Variants in CCDC15 observed in about 807,000 individuals in gnomAD.
The protein encoded by CCDC15 is coiled-coil domain containing 15, also known as coiled-coil domain-containing protein 15.
Under a neutral mutation model 114.5 loss-of-function variants are expected in CCDC15, and 105 were observed. The observed-to-expected ratio is 0.92, with a 90% CI of 0.78 to 1.08. The LOEUF is 1.08. Among genes scored for constraint, CCDC15 ranks in the 50% least tolerant of loss-of-function variants. The pLI, the probability that CCDC15 is intolerant of heterozygous loss-of-function variation, is 0.00. For synonymous variants in CCDC15, 334 were observed against 377.8 expected, an observed-to-expected ratio of 0.88 and a Z score of 1.34; for missense variants, 1,105 against 1,093.6, an observed-to-expected ratio of 1.01 and a Z score of -0.15.
intron 11 of CCDC15, among the ~76,000 whole-genome samples, chr11:125,002,949 A>T (rs1565375601): frequency 6.6e-6 from 1 of 152,046 alleles, no homozygotes; most frequent in Non-Finnish European, 1.5e-5. Flanking sequence ...TGACATTTTG[A>T]TGGAGGATTA....
intron 5 of CCDC15, among the ~76,000 whole-genome samples, chr11:124,975,949 A>G (rs1190717857): frequency 2.0e-5 from 3 of 152,092 alleles, no homozygotes; most frequent in Non-Finnish European, 4.4e-5. Flanking sequence ...GTCTATACTT[A>G]TAAAATGACA....
chr11:124,996,967 A>C (rs774641956), intron 11 of CCDC15, among the ~76,000 whole-genome samples: 25 of 152,142 alleles, frequency 1.6e-4, no homozygotes, highest in Non-Finnish European at 3.2e-4. Flanking sequence ...TCTGTTGTAG[A>C]CCTTCCTGTA....
intron 13 of CCDC15, among the ~76,000 whole-genome samples, chr11:125,014,850 A>G (rs1290590787): frequency 6.6e-6 from 1 of 152,210 alleles, no homozygotes; most frequent in Non-Finnish European, 1.5e-5. Context: ...AAAAGTGGAA[A>G]CATTTATAAA....
At chr11:125,038,898 C>T in intron 14 of CCDC15, 23 bp from the exon 15 acceptor site, 1 of 1,595,346 alleles carries the variant, frequency 6.3e-7, no homozygotes, top group South Asian at 1.1e-5. Context: ...TTCACTTTGC[C>T]TGATTATACT....
Position 124,979,655 on chromosome 11 carries a change from T to C in CCDC15, c.753+2055T>C, listed in dbSNP as rs113762413. ...TTTGCTGAAGTTGTTTATCAGATCA[T>C]GGAGCTTTGGGCAGAGACTATGGGG... On this transcript the variant is annotated intron_variant, in intron 6 of 15. Coordinates refer to ENST00000344762, the MANE Select transcript of CCDC15 (RefSeq NM_025004.3). Among the ~76,000 whole-genome samples the C allele has an allele frequency of 7.8e-3, 1,184 of 152,222 alleles. 15 individuals are homozygous for C. Among genetic ancestry groups the C allele is most frequent in the African/African-American group, 0.027 (1,126 of 41,536 alleles).
intron 13 of CCDC15, among the ~76,000 whole-genome samples, chr11:125,037,032 G>A (rs533039278): frequency 6.6e-6 from 1 of 152,188 alleles, no homozygotes; most frequent in South Asian, 2.1e-4. Flanking sequence ...TGATGCTTGT[G>A]GATGTTCACT....
At chr11:124,990,694 T>G (rs965511191) in intron 8 of CCDC15, among the ~76,000 whole-genome samples, 1 of 152,242 alleles carries the variant, frequency 6.6e-6, no homozygotes, top group African/African-American at 2.4e-5. Context: ...ATTCAATTTT[T>G]TAAATCAACA....
At chr11:124,997,085 C>T (rs1948385451) in intron 11 of CCDC15, among the ~76,000 whole-genome samples, 1 of 152,154 alleles carries the variant, frequency 6.6e-6, no homozygotes, top group Admixed American at 6.5e-5. Context: ...GTATAGCATT[C>T]CGTTATTTGA....
chr11:124,988,703 TC>T (rs1276326855), intron 8 of CCDC15, among the ~76,000 whole-genome samples: 1 of 152,258 alleles, frequency 6.6e-6, no homozygotes, highest in Non-Finnish European at 1.5e-5. Context: ...ATCAGCTAAG[TC>T]CGTGTAATAT....
chr11:124,959,243 G>T lies in CCDC15; in HGVS notation c.306G>T (p.Gln102His). ...AAATTAGGTTGAGAAAAAAGCAACA[G>T]CTTCAGAAGTCTTATGAAAGAGTAA... is the stretch of plus-strand genomic sequence containing the variant. ...NQQIRLRKKQ[Q>H]LQKSYERAQK... Residue 102 changes from glutamine (Q) to histidine (H), a missense_variant, in exon 3 of 16, where the codon CAG (glutamine) becomes CAT (histidine). Transcript: ENST00000344762. The T allele has an allele frequency of 6.3e-7, 1 of 1,578,956 alleles. No individual in the cohort carries two copies. Among genetic ancestry groups the T allele is most frequent in the Non-Finnish European group, 8.6e-7 (1 of 1,167,912 alleles).
At chr11:125,033,955 C>G (rs916445763) in intron 13 of CCDC15, among the ~76,000 whole-genome samples, 2 of 152,166 alleles carry the variant, frequency 1.3e-5, no homozygotes, top group Non-Finnish European at 2.9e-5. Context: ...GAGTGTAGCA[C>G]ATCTCCTCAT....
rs142899880 is a variant in CCDC15 at position 125,027,960 on chromosome 11, C to G, written c.2412-10471C>G. 1.0e-3 allele frequency among the ~76,000 whole-genome samples: 157 copies of G among 152,206 alleles called. 1 individual carries two copies. Among genetic ancestry groups the G allele is most frequent in the African/African-American group, 3.7e-3 (152 of 41,558 alleles). On this transcript the variant is annotated intron_variant, in intron 13 of 15. Transcript: ENST00000344762. ...TTTTATTCTTCTATGTATGGCTTGC[C>G]AGTTATTCCAACGCAATTTACTGAA...
chr11:124,992,520 G>C (rs1169721402), intron 9 of CCDC15, 60 bp from the exon 10 acceptor site: 1 of 937,360 alleles, frequency 1.1e-6, no homozygotes, highest in African/African-American at 1.7e-5. Flanking sequence ...ATGATATTAT[G>C]ATTAGCATTA....
chr11:125,038,731 A>G, intron 14 of CCDC15, 127 bp downstream of exon 14: 1 of 1,188,834 alleles, frequency 8.4e-7, no homozygotes, highest in Non-Finnish European at 1.2e-6. Context: ...GGAGTTCATA[A>G]CTTCACCAAA....
chr11:124,987,056 G>A, intron 7 of CCDC15, 71 bp from the exon 8 acceptor site: 3 of 1,381,752 alleles, frequency 2.2e-6, no homozygotes, highest in Non-Finnish European at 2.9e-6. Flanking sequence ...TTGATATTTC[G>A]ATTATTTTGG....
chr11:124,957,250 C>T (rs946450733), intron 2 of CCDC15, among the ~76,000 whole-genome samples: 7 of 152,162 alleles, frequency 4.6e-5, no homozygotes, highest in African/African-American at 7.2e-5. Flanking sequence ...GACTATTTTC[C>T]GGCTATTGGC....
chr11:125,002,448 T>A (rs1446189904), intron 11 of CCDC15, among the ~76,000 whole-genome samples: 1 of 152,156 alleles, frequency 6.6e-6, no homozygotes, highest in Non-Finnish European at 1.5e-5. Flanking sequence ...TGTGCTTTTA[T>A]TGTCATATCT....
chr11:125,021,606 A>G (rs1485720708), intron 13 of CCDC15, among the ~76,000 whole-genome samples: 1 of 151,846 alleles, frequency 6.6e-6, no homozygotes, highest in Non-Finnish European at 1.5e-5. Flanking sequence ...TTAAGGCCAT[A>G]TTGGAGCAGA....
rs1261578035 is a variant in CCDC15, at chr11:125,041,228, G to GT, written c.*523dup. On this transcript the variant is annotated 3_prime_UTR_variant, in exon 16 of 16. Transcript: ENST00000344762. ...TTTTTCCTCAGCATTTTTTCCTCTT[G>GT]TTTTTTAAAATGTATTGCCTCTTTC... is the stretch of plus-strand genomic sequence containing the variant. 2 of 152,026 alleles carry GT rather than the reference G, an allele frequency of 1.3e-5. No homozygotes were observed. Among genetic ancestry groups the GT allele is most frequent in the African/African-American group, 4.8e-5 (2 of 41,372 alleles). The allele number at this position is 152,026 out of a possible 1,614,324, so 9.4% of individuals were successfully genotyped here.
Sources: gnomAD v4.1 joint callset for allele counts (sites outside exome capture counted in the v4.1 genomes callset) on GRCh38, gnomAD v4.1.1 for gene constraint, MANE v1.5 for transcripts, NCBI Gene and HGNC (gene_info 2026-07-23, HGNC 2026-07-21) for gene names.